The following ARHGAP17 variants were observed in gnomAD, a reference collection of about 807,000 sequenced individuals.
ARHGAP17 encodes rho GTPase-activating protein 17.
Under a neutral mutation model 99.5 loss-of-function variants are expected in ARHGAP17, and 57 were observed. That is an observed-to-expected ratio of 0.57 (90% CI 0.46 to 0.71). The LOEUF (loss-of-function observed/expected upper bound fraction) is 0.71, where lower values mean the gene tolerates loss of function less well. Ranked by LOEUF, ARHGAP17 falls within the 30% of genes least tolerant of loss-of-function variation. The pLI is 0.00. For synonymous variants in ARHGAP17, 417 were observed against 429.6 expected, an observed-to-expected ratio of 0.97 and a Z score of 0.36; for missense variants, 1,000 against 1,122.4, an observed-to-expected ratio of 0.89 and a Z score of 1.56.
intron 19 of ARHGAP17, among the ~76,000 whole-genome samples, chr16:24,921,827 T>C (rs2050726557): frequency 6.6e-6 from 1 of 152,218 alleles, no homozygotes; most frequent in South Asian, 2.1e-4. Flanking sequence ...CCAATGACAC[T>C]GTGCAGAACT....
At chr16:24,969,102 T>C (rs1040339543) in intron 4 of ARHGAP17, among the ~76,000 whole-genome samples, 4 of 152,234 alleles carry the variant, frequency 2.6e-5, no homozygotes, top group African/African-American at 7.2e-5. Flanking sequence ...TCTTTTAAAT[T>C]AGACATTAAG....
chr16:24,951,451 A>G (rs1207456740), intron 12 of ARHGAP17, among the ~76,000 whole-genome samples: 1 of 152,262 alleles, frequency 6.6e-6, no homozygotes, highest in African/African-American at 2.4e-5. Context: ...ATCATTATAC[A>G]GCTGACAACA....
At chr16:24,927,615 G>C (rs973510886) in intron 19 of ARHGAP17, 7 of 825,596 alleles carry the variant, frequency 8.5e-6, no homozygotes, top group Non-Finnish European at 9.6e-6. Flanking sequence ...GTTAGTAACA[G>C]GCATGAGTGC....
intron 15 of ARHGAP17, among the ~76,000 whole-genome samples, chr16:24,942,612 C>CA (rs1341361075): frequency 6.6e-6 from 1 of 151,520 alleles, no homozygotes. Context: ...ACTAAAAATA[C>CA]AAAAAATTAG....
rs139342977 is a variant in ARHGAP17 at position 25,001,700 on chromosome 16, G to A, written c.53+13509C>T. On this transcript the variant is annotated intron_variant, in intron 1 of 19. Transcript: ENST00000289968. The stretch of plus-strand genomic sequence containing the variant: ...TTTCCAAAGTGCTGGGATTACAGGC[G>A]TGAGCCACAAACCCAGCCTGAAAAA... Among the ~76,000 whole-genome samples, 358 of 152,228 alleles carry A rather than the reference G, an allele frequency of 2.4e-3. 1 individual carries two copies. The highest frequency in any genetic ancestry group is 8.2e-3 in the African/African-American group (339 of 41,538).
At chr16:24,946,038 A>G (rs1457392738) in intron 14 of ARHGAP17, among the ~76,000 whole-genome samples, 3 of 152,224 alleles carry the variant, frequency 2.0e-5, no homozygotes, top group Admixed American at 6.5e-5. Flanking sequence ...TCAAAAGGTT[A>G]CTTCTGATTA....
intron 19 of ARHGAP17, among the ~76,000 whole-genome samples, chr16:24,930,159 A>C (rs1020305935): frequency 6.6e-6 from 1 of 152,208 alleles, no homozygotes; most frequent in African/African-American, 2.4e-5. Flanking sequence ...ACCACTTCCA[A>C]ACAGGTTCCC....
intron 18 of ARHGAP17, among the ~76,000 whole-genome samples, chr16:24,933,906 G>A (rs1284266761): frequency 1.3e-5 from 2 of 152,188 alleles, no homozygotes; most frequent in African/African-American, 2.4e-5. Flanking sequence ...AAGGAAAAGA[G>A]TCTTCTTAAT....
Position 24,932,175 on chromosome 16 carries a change from A to G in ARHGAP17, c.1895-771T>C, listed in dbSNP as rs372551009. On this transcript the variant is annotated intron_variant, in intron 18 of 19. Transcript: ENST00000289968. ...AATGTTGACTTCTGAGCTGGGGTAA[A>G]TGTGCCATGGTCATGTAACACATTA... Among the ~76,000 whole-genome samples, 6 of 152,156 alleles carry G rather than the reference A, an allele frequency of 3.9e-5. No homozygotes were observed. The South Asian group carries it at 1.2e-3, about 32-fold the overall frequency.
At chr16:24,959,795 T>C in intron 8 of ARHGAP17, 43 bp from the exon 9 acceptor site, 1 of 1,609,434 alleles carries the variant, frequency 6.2e-7, no homozygotes, top group Non-Finnish European at 8.5e-7. Context: ...AACGTTAGCA[T>C]CGGATGGACA....
intron 19 of ARHGAP17, among the ~76,000 whole-genome samples, chr16:24,925,326 C>A (rs1056454349): frequency 6.6e-6 from 1 of 152,196 alleles, no homozygotes; most frequent in East Asian, 1.9e-4. Flanking sequence ...TTGCCGTGTG[C>A]CAAGATTGCA....
chr16:25,015,143 G>GCC lies in ARHGAP17; in HGVS notation c.53+64_53+65dup, dbSNP rs59433706. 4.1e-3 allele frequency: 4,625 copies of GCC among 1,135,150 alleles called. 145 individuals are homozygous for GCC. The African/African-American group carries it at 0.068, about 17-fold the overall frequency. The allele number at this position is 1,135,150 out of a possible 1,614,324, so 70.3% of individuals were successfully genotyped here. On this transcript the variant is annotated intron_variant, in intron 1 of 19. Transcript: ENST00000289968. ...CGCCGGACCGCGGAGGAGCCGTCCC[G>GCC]CCCCCGCGCCCTCCGCCCTCCGCCC...
chr16:24,997,672 C>T (rs1278847793), intron 1 of ARHGAP17, among the ~76,000 whole-genome samples: 1 of 152,054 alleles, frequency 6.6e-6, no homozygotes, highest in Non-Finnish European at 1.5e-5. Context: ...GAGAAAGGAA[C>T]AGGACTCGGT....
chr16:24,977,122 A>T, intron 3 of ARHGAP17, 93 bp downstream of exon 3: 3 of 984,338 alleles, frequency 3.0e-6, no homozygotes, highest in Non-Finnish European at 4.2e-6. Context: ...AGGCTGATCC[A>T]CTGATGCCAC....
intron 1 of ARHGAP17, among the ~76,000 whole-genome samples, chr16:25,011,991 T>G (rs2053655777): frequency 6.6e-6 from 1 of 152,174 alleles, no homozygotes; most frequent in African/African-American, 2.4e-5. Context: ...TCTTAAGCAC[T>G]TATCTCATGT....
In ARHGAP17 at chr16:24,930,764, G is replaced by A. The variant is rs1260806886; in HGVS notation, c.2515+20C>T. ...AATGTAGAGCAGACGAGGAAATACG[G>A]GCATTGATGTCCTACTTACCTGTTA... is the stretch of plus-strand genomic sequence containing the variant. On this transcript the variant is annotated intron_variant, in intron 19 of 19. Transcript: ENST00000289968. 6.2e-7 allele frequency: 1 copy of A among 1,614,204 alleles called. No homozygotes were observed. Among genetic ancestry groups the A allele is most frequent in the South Asian group, 1.1e-5 (1 of 91,086 alleles).
intron 13 of ARHGAP17, 91 bp from the exon 14 acceptor site, chr16:24,947,686 C>T: frequency 9.7e-7 from 1 of 1,025,934 alleles, no homozygotes; most frequent in Non-Finnish European, 1.5e-6. Flanking sequence ...CCAGTTTGCT[C>T]AGGTGCTAAC....
At chr16:24,981,450 G>GC (rs1239568956) in intron 1 of ARHGAP17, among the ~76,000 whole-genome samples, 1 of 152,040 alleles carries the variant, frequency 6.6e-6, no homozygotes, top group Non-Finnish European at 1.5e-5. Context: ...AGGATGGGGG[G>GC]AGCAGAAGCA....
At chr16:24,927,229 C>T (rs190658849) in intron 19 of ARHGAP17, among the ~76,000 whole-genome samples, 15 of 152,316 alleles carry the variant, frequency 9.8e-5, no homozygotes, top group African/African-American at 3.6e-4. Context: ...CGAGATTGCG[C>T]GTATATTAAG....
Sources: gnomAD v4.1 joint callset for allele counts (sites outside exome capture counted in the v4.1 genomes callset) on GRCh38, gnomAD v4.1.1 for gene constraint, MANE v1.5 for transcripts, NCBI Gene and HGNC (gene_info 2026-07-23, HGNC 2026-07-21) for gene names.